The following ECPAS variants were observed in gnomAD, a reference collection of about 807,000 sequenced individuals.
The protein encoded by ECPAS is Ecm29 proteasome adaptor and scaffold.
A neutral mutation model predicts 255.1 loss-of-function variants in ECPAS; 70 were observed. The observed-to-expected ratio is 0.27, with a 90% CI of 0.23 to 0.33. The LOEUF is 0.33. Among genes scored for constraint, ECPAS ranks in the 10% least tolerant of loss-of-function variants. ECPAS has a pLI of 1.00. For missense variants in ECPAS, 1,817 were observed against 2,206.4 expected, an observed-to-expected ratio of 0.82 and a Z score of 3.54; for synonymous variants, 784 against 775.0, an observed-to-expected ratio of 1.01 and a Z score of -0.19.
intron 16 of ECPAS, among the ~76,000 whole-genome samples, chr9:111,419,751 C>G (rs2098210341): frequency 6.7e-6 from 1 of 150,274 alleles, no homozygotes; most frequent in East Asian, 1.9e-4. Flanking sequence ...CATTTCATAA[C>G]CATTTTCTGT....
chr9:111,469,869 G>C (rs977714766), intron 2 of ECPAS, among the ~76,000 whole-genome samples: 4 of 151,916 alleles, frequency 2.6e-5, no homozygotes, highest in African/African-American at 9.7e-5. Flanking sequence ...CTCTACTCCT[G>C]TTTGTAAAGA....
chr9:111,420,760 A>T (rs898771740), intron 15 of ECPAS, among the ~76,000 whole-genome samples: 2 of 152,278 alleles, frequency 1.3e-5, no homozygotes, highest in Admixed American at 1.3e-4. Context: ...CTAGCCACAA[A>T]CATAAGTGAA....
chr9:111,412,074 C>T lies in ECPAS; in HGVS notation c.2154G>A (p.Val718=). The part of the protein sequence containing the change: ...ALFYSVVVST[V]SGNELKSMIE... Reference sequence around the variant, plus strand: ...TCATTGATTTCAACTCATTCCCCGACACTGTTGATACCACTACAGAATAAA... The same window carrying T: ...TCATTGATTTCAACTCATTCCCCGATACTGTTGATACCACTACAGAATAAA... Residue 718 remains valine, a synonymous_variant, in exon 21 of 50, where the codon GTG becomes GTA. Coordinates refer to ENST00000684092, the MANE Select transcript of ECPAS (RefSeq NM_001364929.1). 6.3e-7 allele frequency: 1 copy of T among 1,595,616 alleles called. No individual in the cohort carries two copies. Among genetic ancestry groups the T allele is most frequent in the Non-Finnish European group, 8.5e-7 (1 of 1,174,836 alleles).
intron 7 of ECPAS, among the ~76,000 whole-genome samples, chr9:111,433,580 T>C (rs1479887517): frequency 6.6e-6 from 1 of 152,146 alleles, no homozygotes; most frequent in Non-Finnish European, 1.5e-5. Flanking sequence ...AATAAATCAA[T>C]CATTATACCC....
At chr9:111,376,579 T>C in intron 36 of ECPAS, 38 bp from the exon 37 acceptor site, 1 of 1,496,854 alleles carries the variant, frequency 6.7e-7, no homozygotes, top group Non-Finnish European at 9.2e-7. Flanking sequence ...GCACATTCAA[T>C]TAATTAGGAA....
chr9:111,451,642 G>A (rs2098260415), intron 2 of ECPAS, 87 bp from the exon 3 acceptor site: 2 of 1,264,560 alleles, frequency 1.6e-6, no homozygotes, highest in Admixed American at 2.9e-5. Flanking sequence ...CTTTTTTTCT[G>A]TACTGCAATC....
chr9:111,376,367 T>C (rs1319472444), intron 37 of ECPAS, 109 bp downstream of exon 37: 2 of 838,498 alleles, frequency 2.4e-6, no homozygotes, highest in African/African-American at 1.7e-5. Context: ...CAACAGCTGC[T>C]TGACTCATCC....
At position 111,372,537 on chromosome 9, in the gene ECPAS, C is replaced by T; in HGVS notation, c.4420G>A (p.Glu1474Lys). 3 of 1,613,836 alleles carry T rather than the reference C, an allele frequency of 1.9e-6. No homozygotes were observed. Among genetic ancestry groups the T allele is most frequent in the Non-Finnish European group, 2.5e-6 (3 of 1,179,788 alleles). Residue 1474 changes from glutamate to lysine, a missense_variant, in exon 42 of 50, where the codon GAA becomes AAA. Transcript: ENST00000684092. Reference protein sequence around the residue: ...SPDVLKNHAKEVLPLAFLGMH... With the variant: ...SPDVLKNHAKKVLPLAFLGMH... ...CCTAAAAATGCCAGAGGCAGGACTT[C>T]TTTTGCATGATTCTTTAATACATCA... is the stretch of plus-strand genomic sequence containing the variant.
In ECPAS at chr9:111,484,249, G is replaced by C; in HGVS notation, c.-216C>G. The C allele has an allele frequency of 6.7e-7, 1 of 1,484,896 alleles. No individual in the cohort carries two copies. Among genetic ancestry groups the C allele is most frequent in the Non-Finnish European group, 8.9e-7 (1 of 1,122,470 alleles). The allele number at this position is 1,484,896 out of a possible 1,614,324, so 92.0% of individuals were successfully genotyped here. A position where few individuals can be genotyped will look rare whatever the true frequency, so the allele number is the denominator to read the frequency against. On this transcript the variant is annotated 5_prime_UTR_variant, in exon 1 of 50. Transcript: ENST00000684092. Reference sequence around the variant, plus strand: ...AGTCCGTGAGGGGCTGGGCCGAGCGGGCCCGGGCTGCCCTAGCGGCCGGGG... The same window carrying C: ...AGTCCGTGAGGGGCTGGGCCGAGCGCGCCCGGGCTGCCCTAGCGGCCGGGG...
intron 2 of ECPAS, among the ~76,000 whole-genome samples, chr9:111,460,675 A>G (rs1210146189): frequency 6.6e-6 from 1 of 152,214 alleles, no homozygotes; most frequent in Non-Finnish European, 1.5e-5. Context: ...ACAAAATTTG[A>G]AAACACCTAT....
rs1219193937 is a variant in ECPAS, at chr9:111,373,328, C to A, written c.4256G>T (p.Gly1419Val). The change falls in exon 40 of 50, where the codon GGC becomes GTC. Residue 1419 changes from glycine (G) to valine (V), a missense_variant. Around this residue, in one of 4 missense-constraint regions of ECPAS, gnomAD observed 960 missense variants for 1,179.0 expected, o/e 0.81. Transcript: ENST00000684092. Reference protein sequence around the residue: ...VIQKSCAFAMGHLVRTSRDSS... With the variant: ...VIQKSCAFAMVHLVRTSRDSS... ...AATTTAACTCACCCGAACTAAATGG[C>A]CCATAGCAAATGCACAAGATTTCTG... 2 of 1,613,682 alleles carry A rather than the reference C, an allele frequency of 1.2e-6. No individual in the cohort carries two copies. The highest frequency in any genetic ancestry group is 8.5e-7 in the Non-Finnish European group (1 of 1,179,684).
intron 2 of ECPAS, among the ~76,000 whole-genome samples, chr9:111,461,461 T>C (rs889672445): frequency 5.9e-5 from 9 of 151,930 alleles, no homozygotes; most frequent in African/African-American, 2.2e-4. Flanking sequence ...CAAGACCTTG[T>C]CTCAAAAAAA....
chr9:111,460,599 A>G (rs2132016720), intron 2 of ECPAS, among the ~76,000 whole-genome samples: 1 of 152,328 alleles, frequency 6.6e-6, no homozygotes, highest in East Asian at 1.9e-4. Context: ...CTATGGAAAA[A>G]TTAATAGAAT....
intron 24 of ECPAS, among the ~76,000 whole-genome samples, chr9:111,402,938 C>T (rs2098178342): frequency 6.6e-6 from 1 of 152,048 alleles, no homozygotes; most frequent in African/African-American, 2.4e-5. Flanking sequence ...AACAAACTGG[C>T]AGTAGTTAAG....
At position 111,369,018 on chromosome 9, in the gene ECPAS, C is replaced by A. The variant is rs1438018152; in HGVS notation, c.5113+17G>T. 2.0e-6 allele frequency: 3 copies of A among 1,532,812 alleles called. No individual in the cohort carries two copies. The highest frequency in any genetic ancestry group is 1.7e-6 in the Non-Finnish European group (2 of 1,148,752). 95.0% of individuals were successfully genotyped at this position (1,532,812 alleles called of 1,614,324 possible). A position where few individuals can be genotyped will look rare whatever the true frequency, so the allele number is the denominator to read the frequency against. ...ACCTCTGGTTACAGCACTTCAAATG[C>A]AGTTTCTGGTGCTTACGTTGGGTCT... On this transcript the variant is annotated intron_variant, in intron 46 of 49. Coordinates refer to ENST00000684092, the MANE Select transcript of ECPAS (RefSeq NM_001364929.1).
intron 32 of ECPAS, 30 bp from the exon 33 acceptor site, chr9:111,385,472 G>A: frequency 8.5e-7 from 1 of 1,177,974 alleles, no homozygotes; most frequent in Admixed American, 2.2e-5. Context: ...TTCAATATAT[G>A]ATGAAAAAGG....
chr9:111,455,061 A>G (rs972619866), intron 2 of ECPAS, among the ~76,000 whole-genome samples: 9 of 152,130 alleles, frequency 5.9e-5, no homozygotes, highest in African/African-American at 2.2e-4. Flanking sequence ...AGTTAAACTT[A>G]CCATTCCTTC....
chr9:111,369,161 T>C lies in ECPAS; in HGVS notation c.4987A>G (p.Ser1663Gly). 6.3e-7 allele frequency: 1 copy of C among 1,583,538 alleles called. No homozygotes were observed. The highest frequency in any genetic ancestry group is 2.3e-5 in the East Asian group (1 of 43,726). The change falls in exon 46 of 50, where the codon AGC becomes GGC. Residue 1663 changes from serine (S) to glycine (G), a missense_variant. Transcript: ENST00000684092. ...IPLIKKNSLESSGVRTTKNEE... is the reference protein window; with the variant it reads ...IPLIKKNSLEGSGVRTTKNEE... ...TTTTTGGTTGTCCGGACCCCACTGC[T>C]TTCAAGTGAGTTCTAGGATATATCA...
chr9:111,434,956 T>C (rs1406282167), intron 7 of ECPAS, among the ~76,000 whole-genome samples: 2 of 146,356 alleles, frequency 1.4e-5, no homozygotes, highest in African/African-American at 5.1e-5. Flanking sequence ...TGGAGTGTCA[T>C]GGCACAATGT....
Sources: gnomAD v4.1 joint callset for allele counts (sites outside exome capture counted in the v4.1 genomes callset) on GRCh38, gnomAD v4.1.1 for gene constraint, gnomAD v4.1.1 regional missense constraint, MANE v1.5 for transcripts, NCBI Gene and HGNC (gene_info 2026-07-23, HGNC 2026-07-21) for gene names.